Variants in VPS13B observed in about 807,000 individuals in gnomAD.
The protein encoded by VPS13B is vacuolar protein sorting 13 homolog B.
VPS13B carries 285 observed loss-of-function variants against 426.4 expected under a neutral mutation model. That is an observed-to-expected ratio of 0.67 (90% CI 0.61 to 0.74). The LOEUF (loss-of-function observed/expected upper bound fraction) is 0.74, where lower values mean the gene tolerates loss of function less well. Among genes scored for constraint, VPS13B ranks in the 30% least tolerant of loss-of-function variants. The probability of loss-of-function intolerance (pLI) is 0.00; values close to 1 mark genes in which losing one functional copy is unlikely to be tolerated. For missense variants in VPS13B, 4,537 were observed against 4,782.6 expected (o/e 0.95, Z 1.51); for synonymous variants, 1,676 against 1,676.4 (o/e 1.00, Z 0.01).
At position 99,642,142 on chromosome 8, in the gene VPS13B, A is replaced by G; in HGVS notation, c.5552A>G (p.Asn1851Ser). ...GAAAAAACAGACAAGAGTTCATTAA[A>G]TCTCCCAGAAGTTGATTCAGATGTT... ...NNEKTDKSSL[N>S]LPEVDSDVAK... Residue 1851 changes from asparagine to serine, a missense_variant, in exon 34 of 62, where the codon AAT becomes AGT. Physicochemically the swap from Asn to Ser is conservative, Grantham distance 46. Transcript: ENST00000357162. 6.2e-7 allele frequency: 1 copy of G among 1,614,172 alleles called. No individual in the cohort carries two copies. Among genetic ancestry groups the G allele is most frequent in the Non-Finnish European group, 8.5e-7 (1 of 1,180,016 alleles).
intron 35 of VPS13B, among the ~76,000 whole-genome samples, chr8:99,664,471 C>T (rs1339763319): frequency 6.6e-6 from 1 of 151,988 alleles, no homozygotes; most frequent in East Asian, 1.9e-4. Context: ...TCCCCCTGAC[C>T]CCCACCCCAC....
chr8:99,701,142 A>AC (rs1832262894), intron 36 of VPS13B, among the ~76,000 whole-genome samples: 1 of 152,216 alleles, frequency 6.6e-6, no homozygotes, highest in Admixed American at 6.5e-5. Context: ...AATATTCGTG[A>AC]CCAAGCCAAC....
Position 99,235,658 on chromosome 8 carries a change from CAT to C in VPS13B, c.2516-38538_2516-38537del, listed in dbSNP as rs550636183. ...ATTTAAAGAAGTTTTTGTGTTTCAA[CAT>C]AGAGGAATTGCTAATTATTTTCTTC... On this transcript the variant is annotated intron_variant, in intron 17 of 61. Transcript: ENST00000357162. 4.0e-3 allele frequency among the ~76,000 whole-genome samples: 606 copies of C among 152,244 alleles called. 1 individual carries two copies. The highest frequency in any genetic ancestry group is 6.5e-3 in the Non-Finnish European group (444 of 67,986).
At chr8:99,770,344 G>T (rs1811420490) in intron 40 of VPS13B, among the ~76,000 whole-genome samples, 1 of 141,830 alleles carries the variant, frequency 7.1e-6, no homozygotes, top group Admixed American at 7.1e-5. Flanking sequence ...ACCCTCTGGA[G>T]CCCTGGTCAT....
chr8:99,045,016 A>G (rs1843161921), intron 3 of VPS13B, among the ~76,000 whole-genome samples: 1 of 151,884 alleles, frequency 6.6e-6, no homozygotes, highest in African/African-American at 2.4e-5. Context: ...CTTTAAACCC[A>G]TGTGTGCAAG....
intron 17 of VPS13B, among the ~76,000 whole-genome samples, chr8:99,253,245 G>C (rs566266212): frequency 6.6e-6 from 1 of 152,188 alleles, no homozygotes; most frequent in East Asian, 1.9e-4. Flanking sequence ...TTAAGAGTTA[G>C]ATATTTGAGT....
intron 33 of VPS13B, among the ~76,000 whole-genome samples, chr8:99,588,491 G>C (rs1321268782): frequency 1.3e-5 from 2 of 151,338 alleles, no homozygotes; most frequent in Non-Finnish European, 2.9e-5. Context: ...CTTTTATTTT[G>C]CTTAGCAGTG....
At chr8:99,179,854 A>G (rs570415667) in intron 16 of VPS13B, among the ~76,000 whole-genome samples, 7 of 151,848 alleles carry the variant, frequency 4.6e-5, no homozygotes, top group Non-Finnish European at 1.0e-4. Flanking sequence ...TTTCTGATTT[A>G]TGAGGTTTTA....
intron 36 of VPS13B, among the ~76,000 whole-genome samples, chr8:99,711,092 T>C (rs1400989965): frequency 1.3e-5 from 2 of 152,144 alleles, no homozygotes; most frequent in Non-Finnish European, 2.9e-5. Context: ...TAGGAGTAAA[T>C]GTTCAAAGGA....
chr8:99,824,098 T>C, intron 51 of VPS13B, 120 bp downstream of exon 51: 1 of 1,252,468 alleles, frequency 8.0e-7, no homozygotes, highest in Admixed American at 1.9e-5. Context: ...AAAGAGAAAT[T>C]CACTTATTTT....
At chr8:99,752,665 T>G (rs2130547590) in intron 39 of VPS13B, among the ~76,000 whole-genome samples, 1 of 152,350 alleles carries the variant, frequency 6.6e-6, no homozygotes, top group East Asian at 1.9e-4. Flanking sequence ...TTAAAAATTT[T>G]AAGTTATTCT....
intron 19 of VPS13B, among the ~76,000 whole-genome samples, chr8:99,368,009 G>A (rs1348464834): frequency 6.6e-6 from 1 of 152,196 alleles, no homozygotes; most frequent in Non-Finnish European, 1.5e-5. Context: ...GCCACTCCAA[G>A]GAGATTTAGT....
chr8:99,189,012 G>C (rs1416149139), intron 16 of VPS13B, among the ~76,000 whole-genome samples: 1 of 152,138 alleles, frequency 6.6e-6, no homozygotes, highest in Non-Finnish European at 1.5e-5. Context: ...CCATTCTCCT[G>C]CCTCAGCCTC....
intron 30 of VPS13B, among the ~76,000 whole-genome samples, chr8:99,541,569 A>G (rs1823623550): frequency 6.6e-6 from 1 of 151,562 alleles, no homozygotes; most frequent in Non-Finnish European, 1.5e-5. Context: ...TCATTGTTCA[A>G]CTCCCACTGA....
chr8:99,122,611 A>G (rs898957459), intron 8 of VPS13B, among the ~76,000 whole-genome samples: 1 of 152,150 alleles, frequency 6.6e-6, no homozygotes, highest in East Asian at 1.9e-4. Flanking sequence ...CTGGACTTTT[A>G]TAATGCTATT....
chr8:99,427,244 G>A (rs1816768348), intron 21 of VPS13B, among the ~76,000 whole-genome samples: 1 of 94,432 alleles, frequency 1.1e-5, no homozygotes, highest in Non-Finnish European at 2.1e-5. Flanking sequence ...CATTATTTCT[G>A]AGGGCTCTGT....
At position 99,720,989 on chromosome 8, in the gene VPS13B, C is replaced by A. The variant is rs1286847900; in HGVS notation, c.6992C>A (p.Pro2331His). 1.2e-6 allele frequency: 2 copies of A among 1,613,846 alleles called. No individual in the cohort carries two copies. The highest frequency in any genetic ancestry group is 1.7e-5 in the Admixed American group (1 of 59,978). ...VLTLVRITPV[P>H]FNTTEDPDIS... ...ACCCTTGTACGAATAACTCCTGTAC[C>A]TTTTAACACCACAGAGGATCCAGAT... Residue 2331 changes from proline to histidine, a missense_variant, in exon 39 of 62, where the codon CCT (proline) becomes CAT (histidine). Transcript: ENST00000357162.
chr8:99,148,054 ATTTT>A (rs199769640), intron 14 of VPS13B, 44 bp downstream of exon 14: 665 of 1,361,766 alleles, frequency 4.9e-4, no homozygotes, highest in East Asian at 1.5e-3. Context: ...TCATATATGG[ATTTT>A]TTTTTTTTTT....
At chr8:99,467,698 A>G in intron 24 of VPS13B, 64 bp downstream of exon 24, 1 of 1,535,902 alleles carries the variant, frequency 6.5e-7, no homozygotes, top group Non-Finnish European at 9.0e-7. Flanking sequence ...ATTGTTATCC[A>G]TTTTGTTGAA....
Sources: gnomAD v4.1 joint callset for allele counts (sites outside exome capture counted in the v4.1 genomes callset) on GRCh38, gnomAD v4.1.1 for gene constraint, MANE v1.5 for transcripts, NCBI Gene and HGNC (gene_info 2026-07-23, HGNC 2026-07-21) for gene names.